Variants in HEMK2 observed in about 807,000 individuals in gnomAD.
HEMK2 encodes methyltransferase HEMK2.
chr21:28,689,277 A>C, the HEMK2 span, among the ~76,000 whole-genome samples: 6 of 152,238 alleles, frequency 3.9e-5, no homozygotes, highest in African/African-American at 1.4e-4. Flanking sequence ...TGTAGATGTT[A>C]AGACATAATC....
chr21:28,761,828 T>C, the HEMK2 span, among the ~76,000 whole-genome samples: 1 of 151,952 alleles, frequency 6.6e-6, no homozygotes, highest in South Asian at 2.1e-4. Flanking sequence ...AGCAGGATCT[T>C]TGAAGGAAAG....
the HEMK2 span, among the ~76,000 whole-genome samples, chr21:28,592,637 G>C: frequency 0.016 from 2,445 of 152,306 alleles, 65 homozygotes; most frequent in African/African-American, 0.056. Flanking sequence ...CTTATCCCTA[G>C]GGGACTCATT....
chr21:28,864,753 C>T, the HEMK2 span, among the ~76,000 whole-genome samples: 1 of 152,016 alleles, frequency 6.6e-6, no homozygotes, highest in Non-Finnish European at 1.5e-5. Flanking sequence ...CTATTATTCT[C>T]TCAGCTGCCC....
chr21:28,650,771 T>C, the HEMK2 span, among the ~76,000 whole-genome samples: 1 of 152,126 alleles, frequency 6.6e-6, no homozygotes, highest in African/African-American at 2.4e-5. Context: ...GTCCTCGGCA[T>C]ATAAAGGGGA....
the HEMK2 span, among the ~76,000 whole-genome samples, chr21:28,589,396 G>A: frequency 2.0e-5 from 3 of 152,020 alleles, no homozygotes; most frequent in East Asian, 1.9e-4. Flanking sequence ...AAACAACCTC[G>A]CTGAGGGGGT....
chr21:28,841,219 T>A, the HEMK2 span, among the ~76,000 whole-genome samples: 119 of 11,438 alleles, frequency 0.01, 12 homozygotes, highest in African/African-American at 0.074. Flanking sequence ...ATATTATATA[T>A]ATTATATATT....
chr21:28,648,738 C>A, the HEMK2 span, among the ~76,000 whole-genome samples: 95 of 152,274 alleles, frequency 6.2e-4, no homozygotes, highest in South Asian at 1.0e-3. Context: ...GGTCTCTTGT[C>A]TCTGAATTCA....
chr21:28,621,924 T>C, the HEMK2 span, among the ~76,000 whole-genome samples: 1 of 152,200 alleles, frequency 6.6e-6, no homozygotes, highest in Non-Finnish European at 1.5e-5. Flanking sequence ...CCTTTACCAT[T>C]ATGTAACGCC....
At chr21:28,740,773 T>A in the HEMK2 span, among the ~76,000 whole-genome samples, 3 of 152,150 alleles carry the variant, frequency 2.0e-5, no homozygotes, top group African/African-American at 7.2e-5. Flanking sequence ...AGAAAGAACC[T>A]AACAGATCAA....
chr21:28,876,451 T>G, the HEMK2 span: 3 of 1,610,436 alleles, frequency 1.9e-6, no homozygotes, highest in African/African-American at 2.7e-5. Flanking sequence ...GTGCAGTGGT[T>G]CCTTGCAGAC....
chr21:28,841,263 A>T, the HEMK2 span, among the ~76,000 whole-genome samples: 5 of 8,472 alleles, frequency 5.9e-4, no homozygotes, highest in East Asian at 0.056. Context: ...ATTATATATA[A>T]TATATATTAT....
At chr21:28,833,142 A>G in the HEMK2 span, among the ~76,000 whole-genome samples, 1 of 152,210 alleles carries the variant, frequency 6.6e-6, no homozygotes, top group Non-Finnish European at 1.5e-5. Flanking sequence ...AATTGGTAGT[A>G]TTGTCTGTCT....
At chr21:28,812,474 C>T in the HEMK2 span, among the ~76,000 whole-genome samples, 2 of 152,160 alleles carry the variant, frequency 1.3e-5, no homozygotes, top group Non-Finnish European at 2.9e-5. Context: ...AGCCTTGCAT[C>T]CCAGGGATGA....
chr21:28,614,282 ATTC>A, the HEMK2 span, among the ~76,000 whole-genome samples: 1 of 152,146 alleles, frequency 6.6e-6, no homozygotes, highest in African/African-American at 2.4e-5. Flanking sequence ...CTAGACTGAT[ATTC>A]TTATAATCTG....
chr21:28,751,645 T>C, the HEMK2 span, among the ~76,000 whole-genome samples: 1 of 152,158 alleles, frequency 6.6e-6, no homozygotes, highest in African/African-American at 2.4e-5. Context: ...AACATCTACG[T>C]TTTGTTCAGA....
the HEMK2 span, among the ~76,000 whole-genome samples, chr21:28,676,902 TA>T: frequency 1.3e-5 from 2 of 152,172 alleles, no homozygotes; most frequent in Non-Finnish European, 2.9e-5. Context: ...AAATGACTTT[TA>T]AAATTCTTTA....
At chr21:28,754,796 G>A in the HEMK2 span, among the ~76,000 whole-genome samples, 2 of 152,188 alleles carry the variant, frequency 1.3e-5, no homozygotes, top group East Asian at 1.9e-4. Flanking sequence ...GGGACTATAA[G>A]GTCAAATAAA....
chr21:28,685,938 G>A, the HEMK2 span, among the ~76,000 whole-genome samples: 1 of 152,194 alleles, frequency 6.6e-6, no homozygotes, highest in East Asian at 1.9e-4. Flanking sequence ...CCTGTATTCA[G>A]GTGTTGGCTG....
the HEMK2 span, among the ~76,000 whole-genome samples, chr21:28,689,812 G>A: frequency 8.5e-5 from 13 of 152,340 alleles, no homozygotes; most frequent in African/African-American, 3.1e-4. Context: ...AGTTGCAATA[G>A]AAGGAGAACT....
Sources: gnomAD v4.1 joint callset for allele counts (sites outside exome capture counted in the v4.1 genomes callset) on GRCh38, gnomAD v4.1.1 for gene constraint, MANE v1.5 for transcripts, NCBI Gene and HGNC (gene_info 2026-07-23, HGNC 2026-07-21) for gene names.